Variants in ROBO2 observed in about 807,000 individuals in gnomAD.
The protein encoded by ROBO2 is roundabout homolog 2.
ROBO2 carries 53 observed loss-of-function variants against 160.8 expected under a neutral mutation model. The ratio of observed to expected loss-of-function variants is 0.33; its 90% CI spans 0.26 to 0.41. The LOEUF (loss-of-function observed/expected upper bound fraction) is 0.41. Among genes scored for constraint, ROBO2 ranks in the 10% least tolerant of loss-of-function variants. The pLI is 1.00. For synonymous variants in ROBO2, 664 were observed against 611.7 expected, an observed-to-expected ratio of 1.09 and a Z score of -1.26; for missense variants, 1,577 against 1,722.4, an observed-to-expected ratio of 0.92 and a Z score of 1.49.
At chr3:77,625,537 C>T (rs1354782893) in intron 23 of ROBO2, among the ~76,000 whole-genome samples, 2 of 152,006 alleles carry the variant, frequency 1.3e-5, no homozygotes, top group Non-Finnish European at 2.9e-5. Context: ...ACCACCATGC[C>T]CAGCTGATTT....
At chr3:77,422,045 CT>C (rs1210191151) in intron 2 of ROBO2, among the ~76,000 whole-genome samples, 1 of 152,128 alleles carries the variant, frequency 6.6e-6, no homozygotes, top group African/African-American at 2.4e-5. Context: ...TTAATGGGCA[CT>C]TTGCTTTATA....
chr3:76,928,501 G>A (rs1203215595), intron 2 of ROBO2, among the ~76,000 whole-genome samples: 1 of 146,364 alleles, frequency 6.8e-6, no homozygotes, highest in Non-Finnish European at 1.5e-5. Flanking sequence ...TCAAATAACA[G>A]CCTTCCAATT....
At chr3:76,257,308 G>A (rs147709977) in intron 2 of ROBO2, among the ~76,000 whole-genome samples, 1 of 152,082 alleles carries the variant, frequency 6.6e-6, no homozygotes, top group Non-Finnish European at 1.5e-5. Flanking sequence ...GTGTGTGTGT[G>A]TGTGAACACC....
At chr3:77,014,651 G>T (rs1398637108) in intron 2 of ROBO2, among the ~76,000 whole-genome samples, 2 of 152,234 alleles carry the variant, frequency 1.3e-5, no homozygotes, top group East Asian at 3.9e-4. Context: ...TATTAGAAAA[G>T]ACCTGGTTTT....
intron 2 of ROBO2, among the ~76,000 whole-genome samples, chr3:76,015,703 C>G (rs892914710): frequency 6.6e-6 from 1 of 152,174 alleles, no homozygotes; most frequent in Non-Finnish European, 1.5e-5. Flanking sequence ...CTAGTTCTTT[C>G]TGTGCATTGG....
At chr3:77,071,195 C>T (rs906818662) in intron 1 of ROBO2, among the ~76,000 whole-genome samples, 2 of 152,108 alleles carry the variant, frequency 1.3e-5, no homozygotes, top group African/African-American at 4.8e-5. Flanking sequence ...TTACATAGAG[C>T]ATTCTCTTTC....
intron 2 of ROBO2, among the ~76,000 whole-genome samples, chr3:76,926,123 A>G (rs1175753489): frequency 6.6e-6 from 1 of 152,192 alleles, no homozygotes; most frequent in Admixed American, 6.5e-5. Flanking sequence ...CCCTCCTCAG[A>G]GTCCTAAAGT....
chr3:77,522,898 C>T lies in ROBO2; in HGVS notation c.930C>T (p.Val310=), dbSNP rs370244031. The T allele has an allele frequency of 6.6e-5, 106 of 1,608,814 alleles. 1 individual carries two copies. In the South Asian group the frequency reaches 7.1e-4, roughly 11 times the overall value. ...TGGAAGCCTCTGCTACACTCACCGTCCGAGGTAAGAGATTTAAGATGTCAA... is the reference window on the plus strand; with the variant it reads ...TGGAAGCCTCTGCTACACTCACCGTTCGAGGTAAGAGATTTAAGATGTCAA... The change falls in exon 6 of 26, where the codon GTC becomes GTT. Residue 310 remains valine (V), a synonymous_variant. Transcript: ENST00000461745.
chr3:77,403,861 C>G (rs998211405), intron 2 of ROBO2, among the ~76,000 whole-genome samples: 1 of 151,534 alleles, frequency 6.6e-6, no homozygotes, highest in Non-Finnish European at 1.5e-5. Flanking sequence ...TGAATCAGAC[C>G]AATGGAGAGA....
intron 2 of ROBO2, among the ~76,000 whole-genome samples, chr3:76,079,128 G>C (rs1035418717): frequency 2.6e-5 from 4 of 152,268 alleles, no homozygotes; most frequent in South Asian, 2.1e-4. Context: ...GGAAAACAAT[G>C]GTTATAATAA....
intron 2 of ROBO2, among the ~76,000 whole-genome samples, chr3:76,917,412 G>GA (rs1357261021): frequency 6.6e-6 from 1 of 152,126 alleles, no homozygotes; most frequent in Non-Finnish European, 1.5e-5. Flanking sequence ...TTCCTGACAA[G>GA]AAAAATGATT....
chr3:77,535,172 C>T (rs968803837), intron 6 of ROBO2, among the ~76,000 whole-genome samples: 2 of 151,832 alleles, frequency 1.3e-5, no homozygotes, highest in Middle Eastern at 3.4e-3. Flanking sequence ...AGCATCAGTA[C>T]ATTTGTTCCT....
rs138075323 is a variant in ROBO2 at position 77,250,304 on chromosome 3, G to T, written c.388+151964G>T. ...CTGGTAAGATCATTTTGAGGATTCCGTCTGGTATTGTGAAAGATGCCTGGT... is the reference window on the plus strand; with the variant it reads ...CTGGTAAGATCATTTTGAGGATTCCTTCTGGTATTGTGAAAGATGCCTGGT... On this transcript the variant is annotated intron_variant, in intron 2 of 25. Coordinates refer to ENST00000461745, the Ensembl canonical transcript of ROBO2. Among the ~76,000 whole-genome samples, 22 of 152,268 alleles carry T rather than the reference G, an allele frequency of 1.4e-4. 1 individual carries two copies. In the East Asian group the frequency reaches 4.2e-3, roughly 29 times the overall value.
chr3:77,032,726 C>T (rs1559871583), intron 2 of ROBO2, among the ~76,000 whole-genome samples: 1 of 152,154 alleles, frequency 6.6e-6, no homozygotes, highest in Non-Finnish European at 1.5e-5. Context: ...TCTGCTTACA[C>T]ACTCATCCTG....
At position 77,333,741 on chromosome 3, in the gene ROBO2, C is replaced by A. The variant is rs752333935; in HGVS notation, c.389-143673C>A. ...AAATACTTAATTGGTATAACTAATT[C>A]TTTGATTCAATAATGAAGATCATCA... On this transcript the variant is annotated intron_variant, in intron 2 of 25. Transcript: ENST00000461745. 5.9e-5 allele frequency among the ~76,000 whole-genome samples: 9 copies of A among 152,074 alleles called. 1 individual carries two copies. Among genetic ancestry groups the A allele is most frequent in the East Asian group, 5.8e-4 (3 of 5,188 alleles).
Position 76,094,847 on chromosome 3 carries a change from A to G in ROBO2, c.109+157245A>G, listed in dbSNP as rs115396578. Among the ~76,000 whole-genome samples the G allele has an allele frequency of 3.3e-3, 499 of 152,342 alleles. 5 individuals carry two copies. The highest frequency in any genetic ancestry group is 0.012 in the African/African-American group (480 of 41,598). Reference sequence around the variant, plus strand: ...AAGGAAATTCTTCTTTTCCAAATAGAAATAAATTGTAGATGCTTTGTACTA... The same window carrying G: ...AAGGAAATTCTTCTTTTCCAAATAGGAATAAATTGTAGATGCTTTGTACTA... On this transcript the variant is annotated intron_variant, in intron 2 of 26. Transcript: ENST00000487694.
At chr3:77,444,183 C>A (rs539059268) in intron 2 of ROBO2, among the ~76,000 whole-genome samples, 1 of 152,204 alleles carries the variant, frequency 6.6e-6, no homozygotes, top group East Asian at 1.9e-4. Flanking sequence ...TTAAGATTTT[C>A]TCTTACTAAA....
chr3:77,324,655 C>T (rs982499452), intron 2 of ROBO2, among the ~76,000 whole-genome samples: 1 of 120,990 alleles, frequency 8.3e-6, no homozygotes, highest in Non-Finnish European at 1.6e-5. Context: ...TGGTGAGCGC[C>T]TGTAGTCCCC....
At chr3:76,350,913 G>A (rs976837119) in intron 2 of ROBO2, among the ~76,000 whole-genome samples, 4 of 151,844 alleles carry the variant, frequency 2.6e-5, no homozygotes, top group African/African-American at 9.7e-5. Context: ...AAGGATCCTG[G>A]AAAAAGACAA....
Sources: gnomAD v4.1 joint callset for allele counts (sites outside exome capture counted in the v4.1 genomes callset) on GRCh38, gnomAD v4.1.1 for gene constraint, MANE v1.5 for transcripts, NCBI Gene and HGNC (gene_info 2026-07-23, HGNC 2026-07-21) for gene names.